Variants in RYR1 observed in about 807,000 individuals in gnomAD.
RYR1 encodes the protein ryanodine receptor 1.
In RYR1, 342 loss-of-function variants were observed where a neutral mutation model predicts 583.5. That is an observed-to-expected ratio of 0.59 (90% CI 0.54 to 0.64). The LOEUF is 0.64. Ranked by LOEUF, RYR1 falls within the 30% of genes least tolerant of loss-of-function variation. The pLI, the probability that RYR1 is intolerant of heterozygous loss-of-function variation, is 0.00. For missense variants in RYR1, 6,032 were observed against 6,917.2 expected (o/e 0.87, Z 4.54); for synonymous variants, 2,791 against 2,822.5 (o/e 0.99, Z 0.35).
intron 58 of RYR1, 97 bp downstream of exon 58, chr19:38,507,924 G>A (rs1211307873): frequency 1.7e-5 from 13 of 759,346 alleles, no homozygotes; most frequent in Non-Finnish European, 2.2e-5. Context: ...CACTCAATCC[G>A]TCCTCCCCTT....
At chr19:38,443,483 G>GTC in intron 3 of RYR1, 75 bp from the exon 4 acceptor site, 1 of 1,370,392 alleles carries the variant, frequency 7.3e-7, no homozygotes, top group African/African-American at 1.4e-5. Flanking sequence ...TGTCACCTGT[G>GTC]ACTAGGCCAG....
intron 28 of RYR1, among the ~76,000 whole-genome samples, chr19:38,474,406 G>A (rs1212427737): frequency 1.3e-5 from 2 of 151,824 alleles, no homozygotes; most frequent in South Asian, 2.1e-4. Context: ...GGGATTACAG[G>A]CACGCGCCAC....
chr19:38,454,248 C>G (rs146784929), intron 13 of RYR1, among the ~76,000 whole-genome samples: 2,532 of 152,256 alleles, frequency 0.017, 30 homozygotes, highest in South Asian at 0.025. Flanking sequence ...CCATGTTGGC[C>G]AGGCTCGTCT....
chr19:38,444,299 G>A lies in RYR1; in HGVS notation c.537+38G>A. 4 of 1,492,626 alleles carry A rather than the reference G, an allele frequency of 2.7e-6. No individual in the cohort carries two copies. Among genetic ancestry groups the A allele is most frequent in the Non-Finnish European group, 3.7e-6 (4 of 1,073,630 alleles). 92.5% of individuals were successfully genotyped at this position (1,492,626 alleles called of 1,614,324 possible). A position where few individuals can be genotyped will look rare whatever the true frequency, so the allele number is the denominator to read the frequency against. On this transcript the variant is annotated intron_variant, in intron 6 of 105. Transcript: ENST00000359596. The surrounding 1 kb of genome is among the most constrained non-coding windows in gnomAD (Gnocchi z 5.1). ...GGTTCCTCCTGCTCCCAGGTCTGGG[G>A]GCGCATGGGATGGTCCCCATCTTCT... is the stretch of plus-strand genomic sequence containing the variant.
chr19:38,501,433 G>A (rs1970114428), intron 47 of RYR1, among the ~76,000 whole-genome samples: 1 of 152,218 alleles, frequency 6.6e-6, no homozygotes, highest in Non-Finnish European at 1.5e-5. Flanking sequence ...GGGAGGCGGA[G>A]GTTGCAGTGA....
chr19:38,586,331 A>C, intron 104 of RYR1, 140 bp downstream of exon 104: 2 of 1,122,464 alleles, frequency 1.8e-6, no homozygotes, highest in Non-Finnish European at 2.6e-6. Flanking sequence ...ATCAGAAGGT[A>C]AGGGTGGGGC....
intron 101 of RYR1, among the ~76,000 whole-genome samples, chr19:38,583,332 A>C (rs1176816019): frequency 1.3e-5 from 2 of 150,848 alleles, no homozygotes; most frequent in Non-Finnish European, 2.9e-5. Flanking sequence ...TACAAAAATT[A>C]GCTGGGTGGG....
In RYR1 at chr19:38,586,075, C is replaced by T; in HGVS notation, c.14869-16C>T. 6.2e-7 allele frequency: 1 copy of T among 1,614,100 alleles called. No homozygotes were observed. The highest frequency in any genetic ancestry group is 1.3e-5 in the African/African-American group (1 of 75,044). The stretch of plus-strand genomic sequence containing the variant: ...GTCAAGTGGGCCTCCACTCTGATGT[C>T]TCTTGCCACTCACAGACCAAGTGCT... On this transcript the variant is annotated splice_polypyrimidine_tract_variant and intron_variant, in intron 103 of 105. Transcript: ENST00000359596.
chr19:38,456,435 C>T (rs879599681), intron 16 of RYR1, among the ~76,000 whole-genome samples: 1 of 151,316 alleles, frequency 6.6e-6, no homozygotes, highest in Admixed American at 6.6e-5. Context: ...GTGCCCGCCA[C>T]CACGCCCAGC....
intron 47 of RYR1, 108 bp from the exon 48 acceptor site, chr19:38,502,399 G>T: frequency 4.8e-6 from 5 of 1,039,494 alleles, no homozygotes; most frequent in Non-Finnish European, 1.4e-6. Context: ...AGCAGGTTTT[G>T]GGGGAGTCAT....
intron 19 of RYR1, 73 bp from the exon 20 acceptor site, chr19:38,460,302 C>T (rs1294338532): frequency 5.1e-6 from 7 of 1,371,868 alleles, no homozygotes; most frequent in Non-Finnish European, 7.3e-6. Context: ...GGACTGCTTC[C>T]ATGTCCCCCA....
At chr19:38,510,350 G>A in intron 58 of RYR1, 148 bp from the exon 59 acceptor site, 2 of 785,778 alleles carry the variant, frequency 2.5e-6, no homozygotes, top group Non-Finnish European at 4.3e-6. Flanking sequence ...ATAGGAGAAA[G>A]GTTTATCTCA....
At chr19:38,434,873 A>G (rs954581847) in intron 1 of RYR1, among the ~76,000 whole-genome samples, 1 of 152,076 alleles carries the variant, frequency 6.6e-6, no homozygotes, top group African/African-American at 2.4e-5. Context: ...AAATGCTGAC[A>G]CAGCATTCCT....
chr19:38,500,923 A>G lies in RYR1; in HGVS notation c.7547A>G (p.Asp2516Gly). The G allele has an allele frequency of 1.2e-6, 2 of 1,613,904 alleles. No individual in the cohort carries two copies. Among genetic ancestry groups the G allele is most frequent in the Non-Finnish European group, 1.7e-6 (2 of 1,179,980 alleles). ...LDRVYGIENQ[D>G]FLLHVLDVGF... ...CGTGTGTATGGCATCGAGAACCAGGACTTCTTGCTGCACGTGCTGGACGTG... is the reference window on the plus strand; with the variant it reads ...CGTGTGTATGGCATCGAGAACCAGGGCTTCTTGCTGCACGTGCTGGACGTG... Residue 2516 changes from aspartate (D) to glycine (G), a missense_variant, in exon 47 of 106, where the codon GAC (aspartate) becomes GGC (glycine). By Grantham distance (94) the Asp-to-Gly change is moderately conservative. Transcript: ENST00000359596. This position sits in a 1 kb window ranked among gnomAD's most constrained non-coding sequence, Gnocchi z 5.9.
In RYR1 at chr19:38,499,604, T is replaced by C; in HGVS notation, c.7028-31T>C. The C allele has an allele frequency of 6.3e-7, 1 of 1,593,522 alleles. No homozygotes were observed. Among genetic ancestry groups the C allele is most frequent in the Non-Finnish European group, 8.5e-7 (1 of 1,177,126 alleles). On this transcript the variant is annotated intron_variant, in intron 43 of 105. Transcript: ENST00000359596. The surrounding 1 kb of genome is among the most constrained non-coding windows in gnomAD (Gnocchi z 7.3). Reference sequence around the variant, plus strand: ...TGGGGAGGTCTCTGATGGTGGCTCATGAGACCCCCTTTCCCCATGCGGGTG... The same window carrying C: ...TGGGGAGGTCTCTGATGGTGGCTCACGAGACCCCCTTTCCCCATGCGGGTG...
intron 71 of RYR1, 123 bp from the exon 72 acceptor site, chr19:38,526,870 C>A: frequency 9.9e-7 from 1 of 1,007,234 alleles, no homozygotes; most frequent in Non-Finnish European, 1.5e-6. Flanking sequence ...TCTCTCAGAC[C>A]CCCACCCCCA....
chr19:38,439,925 A>G (rs531251510), intron 1 of RYR1, among the ~76,000 whole-genome samples: 1 of 152,222 alleles, frequency 6.6e-6, no homozygotes, highest in Non-Finnish European at 1.5e-5. Flanking sequence ...TTAAAACAAC[A>G]CGCAAAAGAG....
In RYR1 at chr19:38,578,150, G is replaced by T. The variant is rs1361439633; in HGVS notation, c.14310G>T (p.Met4770Ile). 1 of 1,613,410 alleles carries T rather than the reference G, an allele frequency of 6.2e-7. No homozygotes were observed. Among genetic ancestry groups the T allele is most frequent in the East Asian group, 2.2e-5 (1 of 44,844 alleles). ...NPPPGLLTWL[M>I]SIDVKYQIWK... is the part of the protein sequence containing the mutation. ...CCCACCCCCGCCCCCACAGGCTCAT[G>T]TCCATCGATGTCAAGTACCAGATCT... is the stretch of plus-strand genomic sequence containing the variant. The change falls in exon 99 of 106, where the codon ATG (methionine) becomes ATT (isoleucine). Residue 4770 changes from methionine (M) to isoleucine (I), a missense_variant. Met to Ile is a conservative substitution (Grantham distance 10). This residue lies in a region of RYR1 where 188 missense variants were observed against 215.6 expected (regional missense o/e 0.87). Coordinates refer to ENST00000359596, the MANE Select transcript of RYR1 (RefSeq NM_000540.3).
intron 52 of RYR1, 97 bp from the exon 53 acceptor site, chr19:38,505,212 G>A: frequency 8.5e-7 from 1 of 1,171,802 alleles, no homozygotes; most frequent in Non-Finnish European, 1.3e-6. Context: ...CTTGTTCTGG[G>A]ACCCCCCCAG....
Sources: allele counts gnomAD v4.1 joint callset (sites outside exome capture counted in the v4.1 genomes callset), GRCh38; gene constraint gnomAD v4.1.1; regional missense constraint gnomAD v4.1.1; non-coding constraint Gnocchi (gnomAD v3.1); transcripts MANE v1.5; gene names NCBI Gene and HGNC (gene_info 2026-07-23, HGNC 2026-07-21).